The following PRMT3 variants were observed in gnomAD, a reference collection of about 807,000 sequenced individuals.
PRMT3 encodes the protein protein arginine N-methyltransferase 3.
PRMT3 carries 62 observed loss-of-function variants against 71.9 expected under a neutral mutation model. That is an observed-to-expected ratio of 0.86 (90% CI 0.70 to 1.07). PRMT3 has a LOEUF of 1.07. PRMT3 is among the 50% of genes least tolerant of loss of function. The probability of loss-of-function intolerance (pLI) is 0.00; values close to 1 mark genes in which losing one functional copy is unlikely to be tolerated. For synonymous variants in PRMT3, 213 were observed against 220.4 expected (o/e 0.97, Z 0.30); for missense variants, 663 against 643.0 (o/e 1.03, Z -0.34).
At position 20,426,814 on chromosome 11, in the gene PRMT3, A is replaced by G. The variant is rs748898929; in HGVS notation, c.942A>G (p.Glu314=). The G allele has an allele frequency of 3.3e-6, 5 of 1,527,130 alleles. No homozygotes were observed. The highest frequency in any genetic ancestry group is 4.4e-6 in the Non-Finnish European group (5 of 1,149,308). 94.6% of individuals were successfully genotyped at this position (1,527,130 alleles called of 1,614,324 possible). A position where few individuals can be genotyped will look rare whatever the true frequency, so the allele number is the denominator to read the frequency against. The change falls in exon 10 of 16, where the codon GAA becomes GAG. Residue 314 remains glutamate, a synonymous_variant. Transcript: ENST00000331079. ...TTACACTAATTAAAGGAAAGATTGA[A>G]GAAGTTCATCTTCCTGTAGAAAAAG... ...DTITLIKGKI[E]EVHLPVEKVD... is the part of the protein sequence containing the mutation.
intron 9 of PRMT3, among the ~76,000 whole-genome samples, chr11:20,421,494 T>G (rs1018545941): frequency 6.6e-6 from 1 of 152,206 alleles, no homozygotes; most frequent in Non-Finnish European, 1.5e-5. Flanking sequence ...CCTTCTGACC[T>G]TGATCATTAT....
intron 9 of PRMT3, among the ~76,000 whole-genome samples, chr11:20,417,691 C>G (rs1849337636): frequency 1.3e-5 from 2 of 152,114 alleles, no homozygotes; most frequent in South Asian, 4.1e-4. Context: ...TATCCCCCAA[C>G]TATGTCACTG....
intron 5 of PRMT3, 76 bp downstream of exon 5, chr11:20,393,075 T>G (rs1848752446): frequency 1.1e-6 from 1 of 894,384 alleles, no homozygotes; most frequent in South Asian, 1.6e-5. Flanking sequence ...GTAGAGTGTT[T>G]TAGGAAAAGA....
chr11:20,496,888 T>C (rs1052057574), intron 15 of PRMT3, among the ~76,000 whole-genome samples: 4 of 152,336 alleles, frequency 2.6e-5, no homozygotes, highest in Admixed American at 1.3e-4. Flanking sequence ...GCAAGTGATA[T>C]GGAAATAAAA....
intron 9 of PRMT3, among the ~76,000 whole-genome samples, chr11:20,418,909 C>A (rs1161186343): frequency 3.3e-5 from 5 of 152,128 alleles, no homozygotes; most frequent in African/African-American, 1.2e-4. Context: ...TCACCCAGGC[C>A]AAGAGAACTT....
chr11:20,411,337 T>C (rs1233028841), intron 9 of PRMT3, among the ~76,000 whole-genome samples: 1 of 152,104 alleles, frequency 6.6e-6, no homozygotes, highest in Non-Finnish European at 1.5e-5. Context: ...AGCCAGATTT[T>C]TGAATCTCGA....
At chr11:20,397,795 T>C in intron 7 of PRMT3, 74 bp downstream of exon 7, 1 of 1,512,700 alleles carries the variant, frequency 6.6e-7, no homozygotes, top group Non-Finnish European at 8.9e-7. Context: ...AATATATGTG[T>C]GCACTATAGG....
chr11:20,420,634 T>G (rs576480083), intron 9 of PRMT3, among the ~76,000 whole-genome samples: 4 of 152,330 alleles, frequency 2.6e-5, no homozygotes, highest in African/African-American at 7.2e-5. Flanking sequence ...GGTGGCAGTT[T>G]CATCCCAAAA....
intron 13 of PRMT3, among the ~76,000 whole-genome samples, chr11:20,478,573 T>C (rs1355063563): frequency 6.6e-6 from 1 of 151,884 alleles, no homozygotes. Flanking sequence ...GATAGAGATA[T>C]TTAAAAGGTA....
chr11:20,427,006 A>C, intron 10 of PRMT3, 141 bp downstream of exon 10: 1 of 1,236,314 alleles, frequency 8.1e-7, no homozygotes, highest in East Asian at 3.3e-5. Flanking sequence ...AGATACTATA[A>C]TGTGTAATTT....
rs762510996 is a variant in PRMT3, at chr11:20,402,912, AC to A, written c.706-4del. ...ATAAACACAGCGTTTTCCTCTCTCC[AC>A]CCTAGGACAAAATACGAACAGAAAG... On this transcript the variant is annotated splice_polypyrimidine_tract_variant and splice_region_variant and intron_variant, in intron 7 of 15. Coordinates refer to ENST00000331079, the MANE Select transcript of PRMT3 (RefSeq NM_005788.4). 15 of 1,604,004 alleles carry A rather than the reference AC, an allele frequency of 9.4e-6. No individual in the cohort carries two copies. The South Asian group carries it at 1.4e-4, about 15-fold the overall frequency.
At chr11:20,417,060 G>A (rs1849321521) in intron 9 of PRMT3, among the ~76,000 whole-genome samples, 1 of 152,178 alleles carries the variant, frequency 6.6e-6, no homozygotes, top group Non-Finnish European at 1.5e-5. Flanking sequence ...TTTGCGTTGT[G>A]AAGAATGGCT....
rs936422748 is a variant in PRMT3, at chr11:20,459,405, A to G, written c.1073-2575A>G. On this transcript the variant is annotated intron_variant, in intron 11 of 15. Transcript: ENST00000331079. ...GTGGCCCTGATAATAACCCCCCTCC[A>G]TTTCTGCTCATTTATATCAAGGTTA... 2.6e-5 allele frequency among the ~76,000 whole-genome samples: 4 copies of G among 151,912 alleles called. No homozygotes were observed. In the East Asian group the frequency reaches 7.7e-4, roughly 29 times the overall value.
At chr11:20,408,563 C>G (rs1221044575) in intron 9 of PRMT3, among the ~76,000 whole-genome samples, 1 of 152,084 alleles carries the variant, frequency 6.6e-6, no homozygotes, top group African/African-American at 2.4e-5. Context: ...CTCTAAAAAT[C>G]TCTGTCTTTT....
At chr11:20,504,707 T>TGAGTGAGAGAGAGAGA (rs1555026060) in intron 15 of PRMT3, among the ~76,000 whole-genome samples, 1 of 133,590 alleles carries the variant, frequency 7.5e-6, no homozygotes, top group Admixed American at 7.6e-5. Flanking sequence ...TGTGTGTGTG[T>TGAGTGAGAGAGAGAGA]GAGAGAGAGA....
chr11:20,490,558 G>A (rs1851182955), intron 13 of PRMT3, among the ~76,000 whole-genome samples: 1 of 149,846 alleles, frequency 6.7e-6, no homozygotes, highest in Non-Finnish European at 1.5e-5. Flanking sequence ...AAAAATGTGG[G>A]GAAAAATAAA....
intron 9 of PRMT3, among the ~76,000 whole-genome samples, chr11:20,415,457 G>C (rs1849284271): frequency 6.6e-6 from 1 of 152,108 alleles, no homozygotes; most frequent in Admixed American, 6.6e-5. Flanking sequence ...ACAGAAAAGG[G>C]TATAGTGCAG....
chr11:20,462,061 ATGTC>A lies in PRMT3; in HGVS notation c.1156_1159del (p.Val386MetfsTer8), dbSNP rs775231605. 20 of 1,612,948 alleles carry A rather than the reference ATGTC, an allele frequency of 1.2e-5. No homozygotes were observed. Among genetic ancestry groups the A allele is most frequent in the Non-Finnish European group, 1.7e-5 (20 of 1,179,326 alleles). On this transcript the variant is annotated frameshift_variant, in exon 12 of 16. Transcript: ENST00000331079. LOFTEE classifies it high-confidence loss of function. The stretch of plus-strand genomic sequence containing the variant: ...GCTGATAGAATTGCTTTTTGGGATG[ATGTC>A]TATGGCTTCAAGATGTCCTGCATGA...
chr11:20,399,655 TCAGA>T (rs1331854502), intron 7 of PRMT3, among the ~76,000 whole-genome samples: 2 of 152,184 alleles, frequency 1.3e-5, no homozygotes. Flanking sequence ...GTTGGGCTTT[TCAGA>T]CAGATTAAAG....
Sources: gnomAD v4.1 joint callset for allele counts (sites outside exome capture counted in the v4.1 genomes callset) on GRCh38, gnomAD v4.1.1 for gene constraint, MANE v1.5 for transcripts, NCBI Gene and HGNC (gene_info 2026-07-23, HGNC 2026-07-21) for gene names.